CLSTN3: variants seen among roughly 807,000 people sequenced by gnomAD.
CLSTN3 encodes calsyntenin 3.
Under a neutral mutation model 95.9 loss-of-function variants are expected in CLSTN3, and 36 were observed. The observed-to-expected ratio is 0.38, with a 90% CI of 0.29 to 0.50. The LOEUF (loss-of-function observed/expected upper bound fraction) is 0.50. Among genes scored for constraint, CLSTN3 ranks in the 20% least tolerant of loss-of-function variants. The probability of loss-of-function intolerance (pLI) is 0.95; values close to 1 mark genes in which losing one functional copy is unlikely to be tolerated. For synonymous variants in CLSTN3, 481 were observed against 504.0 expected, an observed-to-expected ratio of 0.95 and a Z score of 0.61; for missense variants, 1,084 against 1,268.8, an observed-to-expected ratio of 0.85 and a Z score of 2.21.
rs1167374924 is a variant in CLSTN3 at position 7,136,431 on chromosome 12, C to T, written c.928+40C>T. 4 of 1,521,086 alleles carry T rather than the reference C, an allele frequency of 2.6e-6. No individual in the cohort carries two copies. In the Admixed American group the frequency reaches 6.4e-5, roughly 24 times the overall value. The allele number at this position is 1,521,086 out of a possible 1,614,324, so 94.2% of individuals were successfully genotyped here. A position where few individuals can be genotyped will look rare whatever the true frequency, so the allele number is the denominator to read the frequency against. Reference sequence around the variant, plus strand: ...AACACTGCCTCAGGCCTATCCCTTCCCATCCAACCTCTGTCCAAACTTTTC... The same window carrying T: ...AACACTGCCTCAGGCCTATCCCTTCTCATCCAACCTCTGTCCAAACTTTTC... On this transcript the variant is annotated intron_variant, in intron 6 of 17. Transcript: ENST00000266546.
In CLSTN3 at chr12:7,141,011, A is replaced by G. The variant is rs1939516032; in HGVS notation, c.1324-231A>G. ...CCTCTTAGGAATATTTATAGCTTTA[A>G]CGATTTACCTGAAGAGTGGAATCTT... is the stretch of plus-strand genomic sequence containing the variant. On this transcript the variant is annotated intron_variant, in intron 8 of 17. Transcript: ENST00000266546. The surrounding 1 kb of genome is among the most constrained non-coding windows in gnomAD (Gnocchi z 4.1). Among the ~76,000 whole-genome samples, 1 of 152,242 alleles carries G rather than the reference A, an allele frequency of 6.6e-6. No individual in the cohort carries two copies. Among genetic ancestry groups the G allele is most frequent in the Non-Finnish European group, 1.5e-5 (1 of 68,044 alleles).
chr12:7,139,567 T>C (rs1366540122), intron 8 of CLSTN3, among the ~76,000 whole-genome samples: 4 of 152,138 alleles, frequency 2.6e-5, no homozygotes, highest in African/African-American at 4.8e-5. Context: ...TTTTGTCATA[T>C]GAGAGACAGG....
Position 7,150,215 on chromosome 12 carries a change from G to A in CLSTN3, c.2246-329G>A, listed in dbSNP as rs1476725915. 1.3e-5 allele frequency among the ~76,000 whole-genome samples: 2 copies of A among 152,186 alleles called. No individual in the cohort carries two copies. The highest frequency in any genetic ancestry group is 4.8e-5 in the African/African-American group (2 of 41,448). On this transcript the variant is annotated intron_variant, in intron 14 of 17. Transcript: ENST00000266546. This position sits in a 1 kb window ranked among gnomAD's most constrained non-coding sequence, Gnocchi z 4.0. Reference sequence around the variant, plus strand: ...TCCACTCCTTTCCAGGGCTCACTGAGGACTTCTGTATTTTCCTCTTTCTCA... The same window carrying A: ...TCCACTCCTTTCCAGGGCTCACTGAAGACTTCTGTATTTTCCTCTTTCTCA...
Position 7,133,984 on chromosome 12 carries a change from G to T in CLSTN3, c.383+216G>T, listed in dbSNP as rs1418750034. On this transcript the variant is annotated intron_variant, in intron 3 of 17. Coordinates refer to ENST00000266546, the MANE Select transcript of CLSTN3 (RefSeq NM_014718.4). This position sits in a 1 kb window ranked among gnomAD's most constrained non-coding sequence, Gnocchi z 4.7. ...GTAGAGTTCAGTGGATCTAATCTTG[G>T]CTTTGCCTCTCATGACCTTGGGCAG... 8 of 457,032 alleles carry T rather than the reference G, an allele frequency of 1.8e-5. No individual in the cohort carries two copies. Among genetic ancestry groups the T allele is most frequent in the Non-Finnish European group, 3.1e-5 (8 of 261,572 alleles). The allele number at this position is 457,032 out of a possible 1,614,324, so 28.3% of individuals were successfully genotyped here.
chr12:7,141,506 G>A lies in CLSTN3; in HGVS notation c.1486+102G>A. ...GACCCAGCAGCTGAGGCCGCCTCCTGCATCTCTCTGCAGCTGTGCAGGGTG... is the reference window on the plus strand; with the variant it reads ...GACCCAGCAGCTGAGGCCGCCTCCTACATCTCTCTGCAGCTGTGCAGGGTG... On this transcript the variant is annotated intron_variant, in intron 9 of 17. Transcript: ENST00000266546. This position sits in a 1 kb window ranked among gnomAD's most constrained non-coding sequence, Gnocchi z 4.1. 8.4e-7 allele frequency: 1 copy of A among 1,197,324 alleles called. No individual in the cohort carries two copies. Among genetic ancestry groups the A allele is most frequent in the Non-Finnish European group, 1.2e-6 (1 of 806,734 alleles). 74.2% of individuals were successfully genotyped at this position (1,197,324 alleles called of 1,614,324 possible). A position where few individuals can be genotyped will look rare whatever the true frequency, so the allele number is the denominator to read the frequency against.
chr12:7,142,888 C>G lies in CLSTN3; in HGVS notation c.1560C>G (p.His520Gln), dbSNP rs749311269. ...CCCTAGGAGACCCTTTGTCGATCCA[C>G]CACTACTTCCATGGCTACCTGGCTG... ...DTTQGDPLSI[H>Q]HYFHGYLAGF... The change falls in exon 11 of 18, where the codon CAC becomes CAG. Residue 520 changes from histidine (H) to glutamine (Q), a missense_variant. His to Gln is a conservative substitution (Grantham distance 24). Transcript: ENST00000266546. 129 of 1,614,060 alleles carry G rather than the reference C, an allele frequency of 8.0e-5. No individual in the cohort carries two copies. The highest frequency in any genetic ancestry group is 1.1e-4 in the Non-Finnish European group (127 of 1,180,024).
Position 7,142,060 on chromosome 12 carries a change from T to TG in CLSTN3, c.1487-25dup, listed in dbSNP as rs759334398. 2.3e-6 allele frequency: 3 copies of TG among 1,332,706 alleles called. No individual in the cohort carries two copies. The Admixed American group carries it at 7.7e-5, about 34-fold the overall frequency. The allele number at this position is 1,332,706 out of a possible 1,614,324, so 82.6% of individuals were successfully genotyped here. On this transcript the variant is annotated intron_variant, in intron 9 of 17. Coordinates refer to ENST00000266546, the MANE Select transcript of CLSTN3 (RefSeq NM_014718.4). ...TCCACATCCCTGAGCTCACCAGCAC[T>TG]GTTTTTTTTTTTTTTTTATCCCCAG...
intron 10 of CLSTN3, 143 bp from the exon 11 acceptor site, chr12:7,142,726 T>G (rs1939550253): frequency 5.4e-6 from 3 of 555,894 alleles, no homozygotes; most frequent in Admixed American, 7.1e-5. Context: ...TCCTTTTTTT[T>G]TTTTTTTTTG....
intron 1 of CLSTN3, 114 bp downstream of exon 1, chr12:7,130,826 C>T (rs1939285056): frequency 1.1e-6 from 1 of 897,414 alleles, no homozygotes; most frequent in South Asian, 1.4e-5. Context: ...GTCTGGCCCT[C>T]TTCTGATCAC....
At chr12:7,129,453 G>A (rs1005025831), upstream of CLSTN3, 14 of 212,440 alleles carry the variant, frequency 6.6e-5, no homozygotes, top group Admixed American at 3.8e-4. The surrounding 1 kb of genome is among the most constrained non-coding windows in gnomAD (Gnocchi z 5.5). Flanking sequence ...TTAGGAGGGA[G>A]GTGGAGCCCG....
In CLSTN3 at chr12:7,133,252, A is replaced by G; in HGVS notation, c.187+106A>G. ...AGGTCCTGGGAGTGATGAGAAAGTA[A>G]GGGAAGATAAAAGTGGGCTCAAGGA... On this transcript the variant is annotated intron_variant, in intron 2 of 17. Transcript: ENST00000266546. This position sits in a 1 kb window ranked among gnomAD's most constrained non-coding sequence, Gnocchi z 4.7. 2.1e-6 allele frequency: 3 copies of G among 1,447,576 alleles called. No homozygotes were observed. Among genetic ancestry groups the G allele is most frequent in the Non-Finnish European group, 1.9e-6 (2 of 1,060,326 alleles). The allele number at this position is 1,447,576 out of a possible 1,614,324, so 89.7% of individuals were successfully genotyped here.
Position 7,142,882 on chromosome 12 carries a change from G to A in CLSTN3, c.1554G>A (p.Ser518=), listed in dbSNP as rs756157048. 6.8e-6 allele frequency: 11 copies of A among 1,613,270 alleles called. No homozygotes were observed. The African/African-American group carries it at 1.1e-4, about 16-fold the overall frequency. Residue 518 remains serine, a synonymous_variant, in exon 11 of 18, where the codon TCG becomes TCA. Transcript: ENST00000266546. ...STDTTQGDPL[S]IHHYFHGYLA... is the part of the protein sequence containing the mutation. ...TTCCTACCCTAGGAGACCCTTTGTC[G>A]ATCCACCACTACTTCCATGGCTACC...
At position 7,136,363 on chromosome 12, in the gene CLSTN3, C is replaced by T; in HGVS notation, c.900C>T (p.Tyr300=). 1 of 1,613,814 alleles carries T rather than the reference C, an allele frequency of 6.2e-7. No individual in the cohort carries two copies. The highest frequency in any genetic ancestry group is 8.5e-7 in the Non-Finnish European group (1 of 1,179,804). ...CCAAGGGCTGTGACCGTGACAACTACTCAGAGCGGGCGCTGCGGAAACTCT... is the reference window on the plus strand; with the variant it reads ...CCAAGGGCTGTGACCGTGACAACTATTCAGAGCGGGCGCTGCGGAAACTCT... The part of the protein sequence containing the change: ...HVAKGCDRDN[Y]SERALRKLCG... The change falls in exon 6 of 18, where the codon TAC becomes TAT. Residue 300 remains tyrosine, a synonymous_variant. Transcript: ENST00000266546.
rs1052079614 is a variant in CLSTN3, at chr12:7,137,444, T to G, written c.1210+334T>G. ...CATTGCAATGGGAAAGCCTGGGTAATGGTGTGCCCCATTCTTTCATCATCC... is the reference window on the plus strand; with the variant it reads ...CATTGCAATGGGAAAGCCTGGGTAAGGGTGTGCCCCATTCTTTCATCATCC... On this transcript the variant is annotated intron_variant, in intron 7 of 17. Coordinates refer to ENST00000266546, the MANE Select transcript of CLSTN3 (RefSeq NM_014718.4). The surrounding 1 kb of genome is among the most constrained non-coding windows in gnomAD (Gnocchi z 4.4). 1 of 325,940 alleles carries G rather than the reference T, an allele frequency of 3.1e-6. No individual in the cohort carries two copies. Among genetic ancestry groups the G allele is most frequent in the East Asian group, 6.5e-5 (1 of 15,376 alleles). The allele number at this position is 325,940 out of a possible 1,614,324, so 20.2% of individuals were successfully genotyped here.
upstream of CLSTN3, chr12:7,129,904 T>G: frequency 1.4e-6 from 1 of 713,528 alleles, no homozygotes; most frequent in Non-Finnish European, 1.7e-6. The surrounding 1 kb of genome is among the most constrained non-coding windows in gnomAD (Gnocchi z 5.5). Context: ...CGGACCGCCC[T>G]GTGGCTTCCT....
In CLSTN3 at chr12:7,135,516, T is replaced by C. The variant is rs751717161; in HGVS notation, c.573T>C (p.Pro191=). The change falls in exon 4 of 18, where the codon CCT becomes CCC. Residue 191 remains proline (P), a synonymous_variant. Coordinates refer to ENST00000266546, the MANE Select transcript of CLSTN3 (RefSeq NM_014718.4). ...CYYEILTPNT[P]FLIDNDGNIE... ...ATGAGATTCTCACACCCAACACCCC[T>C]TTCCTCATTGACAATGACGGTGAGT... 1 of 1,614,076 alleles carries C rather than the reference T, an allele frequency of 6.2e-7. No homozygotes were observed. Among genetic ancestry groups the C allele is most frequent in the East Asian group, 2.2e-5 (1 of 44,872 alleles).
intron 16 of CLSTN3, among the ~76,000 whole-genome samples, chr12:7,155,117 C>T (rs1939793305): frequency 6.6e-6 from 1 of 152,198 alleles, no homozygotes; most frequent in African/African-American, 2.4e-5. Flanking sequence ...TCCTCGCAAT[C>T]CCATGGACCA....
chr12:7,147,793 G>A (rs546467424), intron 12 of CLSTN3, among the ~76,000 whole-genome samples: 2 of 152,238 alleles, frequency 1.3e-5, no homozygotes, highest in East Asian at 3.9e-4. Flanking sequence ...AGGATTTACA[G>A]GCATGAGCCA....
chr12:7,157,446 T>C lies in CLSTN3; in HGVS notation c.2528-43T>C. On this transcript the variant is annotated intron_variant, in intron 16 of 17. Transcript: ENST00000266546. This position sits in a 1 kb window ranked among gnomAD's most constrained non-coding sequence, Gnocchi z 5.9. ...AGCCCCCTGTCCAAGTGCCCCCAGG[T>C]GTGCCTAGTCACGCTCTGCTCACCC... 3 of 1,504,590 alleles carry C rather than the reference T, an allele frequency of 2.0e-6. No individual in the cohort carries two copies. Among genetic ancestry groups the C allele is most frequent in the Non-Finnish European group, 1.8e-6 (2 of 1,121,920 alleles). The allele number at this position is 1,504,590 out of a possible 1,614,324, so 93.2% of individuals were successfully genotyped here. A position where few individuals can be genotyped will look rare whatever the true frequency, so the allele number is the denominator to read the frequency against.
Sources: allele counts gnomAD v4.1 joint callset (sites outside exome capture counted in the v4.1 genomes callset), GRCh38; gene constraint gnomAD v4.1.1; non-coding constraint Gnocchi (gnomAD v3.1); transcripts MANE v1.5; gene names NCBI Gene and HGNC (gene_info 2026-07-23, HGNC 2026-07-21).